Variants in MYRIP observed in about 807,000 individuals in gnomAD.
MYRIP encodes the protein myosin VIIA and Rab interacting protein, also known as rab effector MyRIP.
MYRIP carries 49 observed loss-of-function variants against 98.0 expected under a neutral mutation model. That is an observed-to-expected ratio of 0.50 (90% CI 0.40 to 0.63). MYRIP has a LOEUF of 0.63. Ranked by LOEUF, MYRIP falls within the 30% of genes least tolerant of loss-of-function variation. The probability of loss-of-function intolerance (pLI) is 0.00; values close to 1 mark genes in which losing one functional copy is unlikely to be tolerated. For synonymous variants in MYRIP, 404 were observed against 409.5 expected, an observed-to-expected ratio of 0.99 and a Z score of 0.16; for missense variants, 1,004 against 1,058.2, an observed-to-expected ratio of 0.95 and a Z score of 0.71.
At chr3:40,083,384 G>C (rs1948523640) in intron 3 of MYRIP, among the ~76,000 whole-genome samples, 1 of 151,922 alleles carries the variant, frequency 6.6e-6, no homozygotes, top group Non-Finnish European at 1.5e-5. Context: ...CACAGTCCTG[G>C]AGGGCCCAAT....
intron 1 of MYRIP, among the ~76,000 whole-genome samples, chr3:39,873,315 T>C (rs896296184): frequency 6.6e-6 from 1 of 152,176 alleles, no homozygotes; most frequent in African/African-American, 2.4e-5. Context: ...GGTAGTTTCT[T>C]TTGCTGTGCA....
At chr3:40,134,692 A>G (rs1949723872) in intron 3 of MYRIP, among the ~76,000 whole-genome samples, 1 of 152,190 alleles carries the variant, frequency 6.6e-6, no homozygotes, top group Non-Finnish European at 1.5e-5. Flanking sequence ...AAACTTCCAG[A>G]GGAATGATCA....
chr3:39,832,567 A>G (rs191285380), intron 1 of MYRIP, among the ~76,000 whole-genome samples: 1 of 152,350 alleles, frequency 6.6e-6, no homozygotes, highest in East Asian at 1.9e-4. Flanking sequence ...GGAGCACGTA[A>G]CACTCATTTC....
chr3:40,249,413 T>C (rs900057888), intron 13 of MYRIP, among the ~76,000 whole-genome samples: 1 of 152,208 alleles, frequency 6.6e-6, no homozygotes, highest in Non-Finnish European at 1.5e-5. Flanking sequence ...GGCTGTGAGA[T>C]GATGGGTGTA....
chr3:39,911,377 T>C (rs762511694), intron 2 of MYRIP, among the ~76,000 whole-genome samples: 8 of 152,224 alleles, frequency 5.3e-5, no homozygotes, highest in Non-Finnish European at 8.8e-5. Context: ...GATTCAAATA[T>C]GTTCTCCCCA....
intron 2 of MYRIP, among the ~76,000 whole-genome samples, chr3:40,017,756 C>T (rs776874224): frequency 4.5e-4 from 66 of 147,352 alleles, no homozygotes; most frequent in Non-Finnish European, 8.2e-4. Context: ...TGACTTACTC[C>T]GGAAATTCCA....
At chr3:40,164,228 T>A (rs1234280385) in intron 5 of MYRIP, among the ~76,000 whole-genome samples, 1 of 152,188 alleles carries the variant, frequency 6.6e-6, no homozygotes, top group Non-Finnish European at 1.5e-5. Flanking sequence ...ACAGCCCATA[T>A]CCTGCATACC....
intron 10 of MYRIP, among the ~76,000 whole-genome samples, chr3:40,204,685 C>CA (rs1030712701): frequency 2.6e-5 from 4 of 152,030 alleles, no homozygotes; most frequent in Non-Finnish European, 5.9e-5. Context: ...ATCAGTCCTC[C>CA]AAACCCTCCA....
intron 3 of MYRIP, among the ~76,000 whole-genome samples, chr3:40,086,678 CCTTA>C (rs1262250302): frequency 6.6e-6 from 1 of 152,172 alleles, no homozygotes; most frequent in Non-Finnish European, 1.5e-5. Flanking sequence ...TAGCTCAGCC[CCTTA>C]CTTTCTGTCC....
intron 1 of MYRIP, among the ~76,000 whole-genome samples, chr3:39,879,092 A>C (rs1411034170): frequency 6.6e-6 from 1 of 151,348 alleles, no homozygotes; most frequent in Non-Finnish European, 1.5e-5. Context: ...ATATATATCT[A>C]TATATCTATG....
chr3:40,204,756 G>A (rs1326376645), intron 10 of MYRIP, among the ~76,000 whole-genome samples: 2 of 152,170 alleles, frequency 1.3e-5, no homozygotes, highest in Non-Finnish European at 2.9e-5. Context: ...CCTCATGGCT[G>A]CAGGGCATCT....
In MYRIP at chr3:40,009,545, A is replaced by T. The variant is rs554555226; in HGVS notation, c.111-34505A>T. Among the ~76,000 whole-genome samples the T allele has an allele frequency of 6.6e-5, 10 of 152,186 alleles. No individual in the cohort carries two copies. The East Asian group carries it at 1.9e-3, about 29-fold the overall frequency. On this transcript the variant is annotated intron_variant, in intron 2 of 16. Transcript: ENST00000302541. Reference sequence around the variant, plus strand: ...GTATGAGCCACCACGCCTGGCCCCAACTGCTACTTTTTAATGTGGAGGCTC... The same window carrying T: ...GTATGAGCCACCACGCCTGGCCCCATCTGCTACTTTTTAATGTGGAGGCTC...
rs997857730 is a variant in MYRIP at position 39,872,242 on chromosome 3, T to A, written c.-30-28545T>A. Among the ~76,000 whole-genome samples, 16 of 152,148 alleles carry A rather than the reference T, an allele frequency of 1.1e-4. No individual in the cohort carries two copies. The East Asian group carries it at 2.3e-3, about 22-fold the overall frequency. Reference sequence around the variant, plus strand: ...GTCTTAATAATTCCAACAGTCTCTATACGCTTTCGGTCTGATTTTTCTTTC... The same window carrying A: ...GTCTTAATAATTCCAACAGTCTCTAAACGCTTTCGGTCTGATTTTTCTTTC... On this transcript the variant is annotated intron_variant, in intron 1 of 16. Coordinates refer to ENST00000302541, the MANE Select transcript of MYRIP (RefSeq NM_015460.4).
chr3:39,995,029 C>T (rs1007086521), intron 2 of MYRIP, among the ~76,000 whole-genome samples: 2 of 152,092 alleles, frequency 1.3e-5, no homozygotes, highest in Non-Finnish European at 2.9e-5. Context: ...ACACCAAAAC[C>T]CCATCTGTAA....
At chr3:40,190,560 C>A (rs559465400) in intron 10 of MYRIP, 97 bp downstream of exon 10, 17 of 1,471,044 alleles carry the variant, frequency 1.2e-5, no homozygotes, top group Non-Finnish European at 1.5e-5. Context: ...GTTTGGAATC[C>A]GCAGACCCAG....
chr3:40,245,879 T>C (rs1463598274), intron 13 of MYRIP, among the ~76,000 whole-genome samples: 1 of 149,030 alleles, frequency 6.7e-6, no homozygotes, highest in Non-Finnish European at 1.5e-5. Flanking sequence ...CCTGAGTAGC[T>C]GGGATTACAA....
intron 2 of MYRIP, among the ~76,000 whole-genome samples, chr3:39,937,044 G>A (rs537430361): frequency 3.9e-5 from 6 of 152,248 alleles, no homozygotes; most frequent in East Asian, 1.9e-4. Context: ...CAGAGCAGGC[G>A]TCCATGCCCA....
chr3:39,857,255 G>GGAAGGAAGGAAGGA (rs545371213), intron 1 of MYRIP, among the ~76,000 whole-genome samples: 9,717 of 135,720 alleles, frequency 0.072, 930 homozygotes, highest in African/African-American at 0.2. Flanking sequence ...GGGAGGGAGG[G>GGAAGGAAGGAAGGA]AGGAAGGAAG....
intron 2 of MYRIP, among the ~76,000 whole-genome samples, chr3:39,995,803 A>T (rs956550153): frequency 3.3e-5 from 5 of 152,234 alleles, no homozygotes; most frequent in African/African-American, 9.6e-5. Context: ...CGGGTTACCC[A>T]CAAAGGGAAG....
Sources: allele counts gnomAD v4.1 joint callset (sites outside exome capture counted in the v4.1 genomes callset), GRCh38; gene constraint gnomAD v4.1.1; transcripts MANE v1.5; gene names NCBI Gene and HGNC (gene_info 2026-07-23, HGNC 2026-07-21).